The following PAX1 variants were observed in gnomAD, a reference collection of about 807,000 sequenced individuals.
The protein encoded by PAX1 is paired box protein Pax-1.
PAX1 carries 18 observed loss-of-function variants against 35.6 expected under a neutral mutation model. The observed-to-expected ratio is 0.50, with a 90% CI of 0.35 to 0.75. The LOEUF is 0.75. Ranked by LOEUF, PAX1 falls within the 30% of genes least tolerant of loss-of-function variation. PAX1 has a pLI of 0.01. For synonymous variants in PAX1, 397 were observed against 305.2 expected, an observed-to-expected ratio of 1.30 and a Z score of -3.14; for missense variants, 760 against 661.5, an observed-to-expected ratio of 1.15 and a Z score of -1.63.
intron 4 of PAX1, among the ~76,000 whole-genome samples, chr20:21,711,244 T>C (rs1284914455): frequency 6.6e-6 from 1 of 152,274 alleles, no homozygotes; most frequent in Non-Finnish European, 1.5e-5. Flanking sequence ...TTCAGAGGAA[T>C]GCATTTGTTT....
chr20:21,706,132 T>C lies in PAX1; in HGVS notation c.286+134T>C. The C allele has an allele frequency of 2.4e-6, 2 of 831,186 alleles. No individual in the cohort carries two copies. The highest frequency in any genetic ancestry group is 3.9e-6 in the Non-Finnish European group (2 of 513,156). 51.5% of individuals were successfully genotyped at this position (831,186 alleles called of 1,614,324 possible). On this transcript the variant is annotated intron_variant, in intron 1 of 4. Transcript: ENST00000613128. The surrounding 1 kb of genome is among the most constrained non-coding windows in gnomAD (Gnocchi z 5.3). ...CTGGAGAAGCTGCATTCTCCTCTGA[T>C]CCCCAGCCTTCAGGGGGCAGTTGAG...
At chr20:21,712,937 A>G (rs1985241365) in intron 4 of PAX1, among the ~76,000 whole-genome samples, 1 of 152,206 alleles carries the variant, frequency 6.6e-6, no homozygotes, top group Admixed American at 6.5e-5. Context: ...CCTGAATTAA[A>G]TGAGCCTGAC....
Position 21,717,262 on chromosome 20 carries a change from C to T in PAX1, c.*2700C>T, listed in dbSNP as rs777158351. On this transcript the variant is annotated 3_prime_UTR_variant, in exon 5 of 5. Transcript: ENST00000613128. ...ATGTGGGGTGTGGAGGGACATACCC[C>T]CTCTCTCGCGGCTGGGGGTCACGGA... is the stretch of plus-strand genomic sequence containing the variant. 1 of 152,232 alleles carries T rather than the reference C, an allele frequency of 6.6e-6. No individual in the cohort carries two copies. Among genetic ancestry groups the T allele is most frequent in the Admixed American group, 6.5e-5 (1 of 15,276 alleles). The allele number at this position is 152,232 out of a possible 1,614,324, so 9.4% of individuals were successfully genotyped here.
Position 21,717,779 on chromosome 20 carries a change from A to T in PAX1, c.*3217A>T, listed in dbSNP as rs1477348458. On this transcript the variant is annotated 3_prime_UTR_variant, in exon 5 of 5. Coordinates refer to ENST00000613128, the MANE Select transcript of PAX1 (RefSeq NM_001257096.2). ...AGATAGCCCTCTGATTTTTTGAAAG[A>T]ATAGAAATAATATATGCGTATCACT... 1.3e-5 allele frequency: 2 copies of T among 152,182 alleles called. No individual in the cohort carries two copies. Among genetic ancestry groups the T allele is most frequent in the Non-Finnish European group, 2.9e-5 (2 of 68,042 alleles). The allele number at this position is 152,182 out of a possible 1,614,324, so 9.4% of individuals were successfully genotyped here. A position where few individuals can be genotyped will look rare whatever the true frequency, so the allele number is the denominator to read the frequency against.
intron 4 of PAX1, among the ~76,000 whole-genome samples, chr20:21,712,313 G>A (rs1314701124): frequency 6.6e-6 from 1 of 152,002 alleles, no homozygotes; most frequent in Non-Finnish European, 1.5e-5. Context: ...TATTATGTAG[G>A]TAAAAAGCAT....
Position 21,709,996 on chromosome 20 carries a change from A to G in PAX1, c.1282+552A>G, listed in dbSNP as rs537603136. Reference sequence around the variant, plus strand: ...AAAAGGCGTTTGGATTCTTTTTCTTAAATACACACTGTGGGAAAGTAGAGG... The same window carrying G: ...AAAAGGCGTTTGGATTCTTTTTCTTGAATACACACTGTGGGAAAGTAGAGG... On this transcript the variant is annotated intron_variant, in intron 4 of 4. Transcript: ENST00000613128. Among the ~76,000 whole-genome samples the G allele has an allele frequency of 2.6e-5, 4 of 151,240 alleles. No individual in the cohort carries two copies. The East Asian group carries it at 7.9e-4, about 30-fold the overall frequency.
In PAX1 at chr20:21,706,612, A is replaced by T. The variant is rs367842641; in HGVS notation, c.461A>T (p.Tyr154Phe). 8.1e-6 allele frequency: 13 copies of T among 1,612,128 alleles called. No individual in the cohort carries two copies. The highest frequency in any genetic ancestry group is 1.1e-5 in the Non-Finnish European group (13 of 1,180,024). Residue 154 changes from tyrosine to phenylalanine, a missense_variant, in exon 2 of 5, where the codon TAC becomes TTC. Coordinates refer to ENST00000613128, the MANE Select transcript of PAX1 (RefSeq NM_001257096.2). The surrounding 1 kb of genome is among the most constrained non-coding windows in gnomAD (Gnocchi z 5.3). ...HGCVSKILAR[Y>F]NETGSILPGA... ...TGCGTGAGCAAGATCCTGGCGCGCT[A>T]CAACGAGACCGGCTCCATTCTGCCC...
At chr20:21,708,790 A>AG in intron 3 of PAX1, 90 bp downstream of exon 3, 1 of 1,390,934 alleles carries the variant, frequency 7.2e-7, no homozygotes, top group Non-Finnish European at 1.0e-6. Flanking sequence ...GAAAAGAAAA[A>AG]ATTTCCAGGC....
At chr20:21,708,318 C>T in intron 2 of PAX1, 1 of 627,330 alleles carries the variant, frequency 1.6e-6, no homozygotes, top group South Asian at 1.8e-5. Flanking sequence ...AGCAGCCTCC[C>T]GTTCGTGGGA....
At position 21,706,997 on chromosome 20, in the gene PAX1, C is replaced by G; in HGVS notation, c.846C>G (p.Ile282Met). The change falls in exon 2 of 5, where the codon ATC (isoleucine) becomes ATG (methionine). Residue 282 changes from isoleucine to methionine, a missense_variant. By Grantham distance (10) the Ile-to-Met change is conservative (BLOSUM62 1). Transcript: ENST00000613128. This position sits in a 1 kb window ranked among gnomAD's most constrained non-coding sequence, Gnocchi z 5.3. ...GVPGTAGHVS[I>M]PRSWPSAHSV... ...CGGGCACGGCGGGCCACGTCAGCAT[C>G]CCGCGCTCATGGCCCTCGGCACACT... The G allele has an allele frequency of 6.2e-7, 1 of 1,613,030 alleles. No individual in the cohort carries two copies.
In PAX1 at chr20:21,718,436, C is replaced by G. The variant is rs1204098946; in HGVS notation, c.*3874C>G. On this transcript the variant is annotated 3_prime_UTR_variant, in exon 5 of 5. Coordinates refer to ENST00000613128, the MANE Select transcript of PAX1 (RefSeq NM_001257096.2). The stretch of plus-strand genomic sequence containing the variant: ...ATGGAGGCAGAGGGGTGCGGGAAAA[C>G]CTTGTGTGAAGAAATACTGGCTACA... The G allele has an allele frequency of 6.6e-6, 1 of 152,154 alleles. No individual in the cohort carries two copies. The highest frequency in any genetic ancestry group is 2.4e-5 in the African/African-American group (1 of 41,426). 9.4% of individuals were successfully genotyped at this position (152,154 alleles called of 1,614,324 possible). A position where few individuals can be genotyped will look rare whatever the true frequency, so the allele number is the denominator to read the frequency against.
intron 2 of PAX1, 102 bp downstream of exon 2, chr20:21,707,169 T>C: frequency 6.8e-7 from 1 of 1,465,768 alleles, no homozygotes; most frequent in Non-Finnish European, 9.4e-7. Context: ...CGGGACCGGT[T>C]CTGGCTCAGG....
chr20:21,706,771 ACAAGTACAATGTGC>A lies in PAX1; in HGVS notation c.622_635del (p.Lys208PhefsTer26). On this transcript the variant is annotated frameshift_variant, in exon 2 of 5. Transcript: ENST00000613128. LOFTEE classifies it high-confidence loss of function. The surrounding 1 kb of genome is among the most constrained non-coding windows in gnomAD (Gnocchi z 5.3). Reference sequence around the variant, plus strand: ...CGGCTGCTGGCCGACGGCGTCTGTGACAAGTACAATGTGCCTTCGGTGAGCTCCATCAGCCGCAT... The same window carrying A: ...CGGCTGCTGGCCGACGGCGTCTGTGACTTCGGTGAGCTCCATCAGCCGCAT... The A allele has an allele frequency of 1.2e-6, 2 of 1,613,454 alleles. No individual in the cohort carries two copies. The highest frequency in any genetic ancestry group is 1.7e-6 in the Non-Finnish European group (2 of 1,180,038).
intron 2 of PAX1, 169 bp from the exon 3 acceptor site, chr20:21,708,389 C>G (rs1341738292): frequency 3.7e-6 from 3 of 815,440 alleles, no homozygotes; most frequent in African/African-American, 3.3e-5. Context: ...CCGCCCCACC[C>G]GGAGTGGTGA....
chr20:21,709,293 C>G lies in PAX1; in HGVS notation c.1131C>G (p.Gly377=). 1.9e-6 allele frequency: 3 copies of G among 1,604,174 alleles called. No individual in the cohort carries two copies. The highest frequency in any genetic ancestry group is 1.3e-5 in the African/African-American group (1 of 75,038). Residue 377 remains glycine (G), a synonymous_variant, in exon 4 of 5, where the codon GGC becomes GGG. Coordinates refer to ENST00000613128, the MANE Select transcript of PAX1 (RefSeq NM_001257096.2). ...ACAYPASNQH[G]VYSAPGGGYL... Reference sequence around the variant, plus strand: ...CCTACCCGGCCTCCAACCAGCACGGCGTGTACAGCGCCCCGGGCGGCGGCT... The same window carrying G: ...CCTACCCGGCCTCCAACCAGCACGGGGTGTACAGCGCCCCGGGCGGCGGCT...
At chr20:21,710,882 T>C (rs1164376670) in intron 4 of PAX1, among the ~76,000 whole-genome samples, 1 of 152,266 alleles carries the variant, frequency 6.6e-6, no homozygotes, top group Non-Finnish European at 1.5e-5. Context: ...TTTAGAGCTC[T>C]TTTAAACTTT....
intron 2 of PAX1, 43 bp downstream of exon 2, chr20:21,707,110 AC>A (rs1568694408): frequency 1.2e-6 from 2 of 1,611,794 alleles, no homozygotes; most frequent in Non-Finnish European, 1.7e-6. Context: ...AAGGGGCAGA[AC>A]CTGGGGCGGG....
At position 21,717,422 on chromosome 20, in the gene PAX1, C is replaced by T. The variant is rs939865943; in HGVS notation, c.*2860C>T. 2 of 152,228 alleles carry T rather than the reference C, an allele frequency of 1.3e-5. No individual in the cohort carries two copies. Among genetic ancestry groups the T allele is most frequent in the African/African-American group, 4.8e-5 (2 of 41,454 alleles). 9.4% of individuals were successfully genotyped at this position (152,228 alleles called of 1,614,324 possible). A position where few individuals can be genotyped will look rare whatever the true frequency, so the allele number is the denominator to read the frequency against. ...GTGACCTGGCCTGTAGGAAGACTGC[C>T]ACTGGTGTGGCCTCACCTCTCTGGA... On this transcript the variant is annotated 3_prime_UTR_variant, in exon 5 of 5. Transcript: ENST00000613128.
rs1323078132 is a variant in PAX1, at chr20:21,706,053, C to A, written c.286+55C>A. ...GAGGGCTGATGAGGTGGGTCGGGTC[C>A]GCCTGCCTCCCTTCCCTCTCGTCCG... On this transcript the variant is annotated intron_variant, in intron 1 of 4. Transcript: ENST00000613128. The surrounding 1 kb of genome is among the most constrained non-coding windows in gnomAD (Gnocchi z 5.3). The A allele has an allele frequency of 1.5e-6, 2 of 1,345,806 alleles. No individual in the cohort carries two copies. The highest frequency in any genetic ancestry group is 5.0e-5 in the Admixed American group (2 of 40,226). 83.4% of individuals were successfully genotyped at this position (1,345,806 alleles called of 1,614,324 possible).
Sources: gnomAD v4.1 joint callset for allele counts (sites outside exome capture counted in the v4.1 genomes callset) on GRCh38, gnomAD v4.1.1 for gene constraint, Gnocchi (gnomAD v3.1) non-coding constraint, MANE v1.5 for transcripts, NCBI Gene and HGNC (gene_info 2026-07-23, HGNC 2026-07-21) for gene names.